PAK3: variants seen among roughly 807,000 people sequenced by gnomAD.
The protein encoded by PAK3 is serine/threonine-protein kinase PAK 3.
A neutral mutation model predicts 41.0 loss-of-function variants in PAK3; 4 were observed. The observed-to-expected ratio is 0.10, with a 90% CI of 0.05 to 0.22. The LOEUF (loss-of-function observed/expected upper bound fraction) is 0.22, where lower values mean the gene tolerates loss of function less well. Ranked by LOEUF, PAK3 falls within the 10% of genes least tolerant of loss-of-function variation. The pLI is 1.00. For synonymous variants in PAK3, 146 were observed against 139.6 expected, an observed-to-expected ratio of 1.05 and a Z score of -0.32; for missense variants, 205 against 409.9, an observed-to-expected ratio of 0.50 and a Z score of 4.32.
intron 1 of PAK3, among the ~76,000 whole-genome samples, chrX:110,955,461 C>G (rs1407329608): frequency 9.0e-6 from 1 of 111,209 alleles, no homozygotes; most frequent in African/African-American, 3.3e-5. Context: ...TAATGAGAGT[C>G]AATAGGCATC....
chrX:111,065,050 C>T (rs1010972304), intron 1 of PAK3, among the ~76,000 whole-genome samples: 5 of 112,160 alleles, frequency 4.5e-5, no homozygotes, highest in African/African-American at 1.6e-4. Context: ...CCTTTTATTT[C>T]TTTCTCTTGC....
chrX:111,025,057 A>G (rs1483107145), intron 1 of PAK3, among the ~76,000 whole-genome samples: 1 of 111,677 alleles, frequency 9.0e-6, no homozygotes, highest in African/African-American at 3.2e-5. Flanking sequence ...TCCTTGGGTA[A>G]ACAATGAAAT....
intron 1 of PAK3, among the ~76,000 whole-genome samples, chrX:111,046,797 A>C (rs1385383354): frequency 8.9e-6 from 1 of 112,282 alleles, no homozygotes; most frequent in Admixed American, 9.4e-5. Flanking sequence ...TATTATTACA[A>C]ATAATAGATA....
At chrX:111,084,614 T>C (rs2092864165) in intron 1 of PAK3, among the ~76,000 whole-genome samples, 1 of 112,014 alleles carries the variant, frequency 8.9e-6, no homozygotes. Flanking sequence ...CTTGCTGCGA[T>C]GTGGATGGAT....
At chrX:110,962,597 T>C (rs2091002297) in intron 1 of PAK3, among the ~76,000 whole-genome samples, 1 of 112,619 alleles carries the variant, frequency 8.9e-6, no homozygotes, top group South Asian at 3.7e-4. Flanking sequence ...GGTTTTCAAG[T>C]TATACTTCAT....
At chrX:110,969,372 C>T (rs771161217) in intron 1 of PAK3, among the ~76,000 whole-genome samples, 20 of 103,086 alleles carry the variant, frequency 1.9e-4, no homozygotes, top group African/African-American at 6.1e-4. Context: ...CAACTTCTAC[C>T]GCCCGGGTTT....
At chrX:111,180,620 C>A (rs1339801891) in intron 11 of PAK3, among the ~76,000 whole-genome samples, 1 of 111,422 alleles carries the variant, frequency 9.0e-6, no homozygotes, top group Non-Finnish European at 1.9e-5. Context: ...ATATATGGTG[C>A]ATTTCTGTGC....
At chrX:110,987,867 C>A (rs1361364019) in intron 1 of PAK3, among the ~76,000 whole-genome samples, 1 of 110,663 alleles carries the variant, frequency 9.0e-6, no homozygotes, top group South Asian at 4.0e-4. Flanking sequence ...TCAAACAGAC[C>A]CCTCACAAAT....
intron 8 of PAK3, among the ~76,000 whole-genome samples, chrX:111,156,896 G>A (rs139993797): frequency 0.018 from 2,046 of 111,291 alleles, 17 homozygotes; most frequent in South Asian, 0.034. Flanking sequence ...TATTTTTATC[G>A]TACTGTTGAA....
At chrX:111,003,396 T>G (rs1368791409) in intron 1 of PAK3, among the ~76,000 whole-genome samples, 2 of 111,144 alleles carry the variant, frequency 1.8e-5, no homozygotes, top group African/African-American at 6.5e-5. Context: ...TCGGGGAAAC[T>G]GCCACCCAGG....
intron 1 of PAK3, among the ~76,000 whole-genome samples, chrX:111,050,038 A>T (rs1205632293): frequency 1.8e-5 from 2 of 111,834 alleles, no homozygotes; most frequent in African/African-American, 6.5e-5. Context: ...GAGGAATAAA[A>T]ATCAACTGAA....
chrX:110,973,036 C>T (rs1364828230), intron 1 of PAK3, among the ~76,000 whole-genome samples: 10 of 111,626 alleles, frequency 9.0e-5, no homozygotes, highest in Non-Finnish European at 1.9e-4. Context: ...AAGAAATGAA[C>T]AATGCCTCCA....
chrX:111,178,980 T>TATATATATAGAGAGAGAG (rs1211051270), intron 11 of PAK3, among the ~76,000 whole-genome samples: 85 of 91,597 alleles, frequency 9.3e-4, no homozygotes, highest in Middle Eastern at 6.0e-3. Context: ...TATATATATA[T>TATATATATAGAGAGAGAG]AGAGAGAGAG....
chrX:111,212,183 C>A (rs1476184774), intron 16 of PAK3, among the ~76,000 whole-genome samples: 1 of 111,805 alleles, frequency 8.9e-6, no homozygotes, highest in Non-Finnish European at 1.9e-5. Context: ...TATGGGAAAT[C>A]TGTAGTCTAA....
intron 16 of PAK3, among the ~76,000 whole-genome samples, chrX:111,198,209 T>C (rs1392656118): frequency 1.8e-5 from 2 of 112,331 alleles, no homozygotes; most frequent in East Asian, 5.6e-4. Context: ...GAGTTCCTTA[T>C]AGAGGCTGGA....
chrX:111,078,934 T>A (rs1226505841), intron 1 of PAK3, among the ~76,000 whole-genome samples: 3 of 112,130 alleles, frequency 2.7e-5, no homozygotes, highest in African/African-American at 6.5e-5. Flanking sequence ...AGCTACAACA[T>A]TCCCTTTAGC....
At chrX:111,053,282 G>T (rs2092576018) in intron 1 of PAK3, among the ~76,000 whole-genome samples, 1 of 111,308 alleles carries the variant, frequency 9.0e-6, no homozygotes. Context: ...TCTGAAGCTT[G>T]AGGTGCACAA....
chrX:111,095,212 T>C (rs2092964313), upstream of PAK3, among the ~76,000 whole-genome samples: 1 of 112,004 alleles, frequency 8.9e-6, no homozygotes, highest in Non-Finnish European at 1.9e-5. Flanking sequence ...AATTTGAAAG[T>C]AGAAAGAAAA....
chrX:110,947,536 A>G (rs775121226), intron 1 of PAK3, among the ~76,000 whole-genome samples: 62 of 111,946 alleles, frequency 5.5e-4, no homozygotes, highest in African/African-American at 1.9e-3. Flanking sequence ...ATCCACACAC[A>G]CACACAAACA....
Sources: allele counts gnomAD v4.1 joint callset (sites outside exome capture counted in the v4.1 genomes callset), GRCh38; gene constraint gnomAD v4.1.1; transcripts MANE v1.5; gene names NCBI Gene and HGNC (gene_info 2026-07-23, HGNC 2026-07-21).